Variants in MAP3K20 observed in about 807,000 individuals in gnomAD.
MAP3K20 encodes the protein mitogen-activated protein kinase kinase kinase 20.
MAP3K20 carries 40 observed loss-of-function variants against 85.7 expected under a neutral mutation model. The observed-to-expected ratio is 0.47, with a 90% CI of 0.36 to 0.61. The LOEUF is 0.61. Among genes scored for constraint, MAP3K20 ranks in the 20% least tolerant of loss-of-function variants. The pLI, the probability that MAP3K20 is intolerant of heterozygous loss-of-function variation, is 0.00. For synonymous variants in MAP3K20, 325 were observed against 327.7 expected (o/e 0.99, Z 0.09); for missense variants, 817 against 961.7 (o/e 0.85, Z 1.99).
rs2289395 is a variant in MAP3K20 at position 173,217,372 on chromosome 2, C to G, written c.987+122C>G. 0.049 allele frequency: 61,207 copies of G among 1,255,288 alleles called. 6,541 individuals carry two copies. In the East Asian group the frequency reaches 0.55, roughly 11 times the overall value. 77.8% of individuals were successfully genotyped at this position (1,255,288 alleles called of 1,614,324 possible). A position where few individuals can be genotyped will look rare whatever the true frequency, so the allele number is the denominator to read the frequency against. ...CCCCTCCTCATTTCCTGCCTCGCGC[C>G]CGTGTATTAAAGGGCCCGCGTGTGG... On this transcript the variant is annotated intron_variant, in intron 11 of 19. Transcript: ENST00000375213.
At chr2:173,128,981 T>C (rs1165787231) in intron 2 of MAP3K20, among the ~76,000 whole-genome samples, 2 of 140,342 alleles carry the variant, frequency 1.4e-5, no homozygotes, top group South Asian at 2.2e-4. Context: ...TAGAGTGCAA[T>C]GGCGCAATCT....
intron 8 of MAP3K20, 40 bp from the exon 9 acceptor site, chr2:173,203,756 C>A: frequency 6.8e-7 from 1 of 1,468,122 alleles, no homozygotes; most frequent in Non-Finnish European, 9.5e-7. Flanking sequence ...ATGAATAAAT[C>A]CCTGTTTTAT....
chr2:173,091,263 G>T, intron 2 of MAP3K20, 73 bp downstream of exon 2: 1 of 1,514,472 alleles, frequency 6.6e-7, no homozygotes, highest in Non-Finnish European at 9.0e-7. Context: ...CGAGTTAGAG[G>T]GTCACAGGGC....
chr2:173,193,947 G>A (rs1690741952), intron 7 of MAP3K20, among the ~76,000 whole-genome samples: 2 of 152,312 alleles, frequency 1.3e-5, no homozygotes, highest in East Asian at 1.9e-4. Context: ...ACCAGCCACT[G>A]AGCATTTCCA....
At chr2:173,246,381 G>T (rs1054912672) in intron 16 of MAP3K20, among the ~76,000 whole-genome samples, 2 of 152,132 alleles carry the variant, frequency 1.3e-5, no homozygotes, top group African/African-American at 4.8e-5. Flanking sequence ...TACAATCTAA[G>T]GCCTTTGACT....
intron 3 of MAP3K20, among the ~76,000 whole-genome samples, chr2:173,181,191 G>A (rs1443744725): frequency 6.6e-6 from 1 of 152,120 alleles, no homozygotes; most frequent in Non-Finnish European, 1.5e-5. Flanking sequence ...TACCACTAGT[G>A]TTATACCCGC....
chr2:173,157,661 G>C (rs1276197989), intron 2 of MAP3K20, among the ~76,000 whole-genome samples: 1 of 152,190 alleles, frequency 6.6e-6, no homozygotes, highest in African/African-American at 2.4e-5. Context: ...TGTGAGAGTT[G>C]CTCAAAATTT....
intron 14 of MAP3K20, 32 bp from the exon 15 acceptor site, chr2:173,238,341 T>A: frequency 3.2e-6 from 5 of 1,558,160 alleles, no homozygotes; most frequent in Non-Finnish European, 4.4e-6. Context: ...TATTACTGGA[T>A]CATTAATAAA....
At chr2:173,138,051 T>G (rs912218032) in intron 2 of MAP3K20, among the ~76,000 whole-genome samples, 3 of 152,146 alleles carry the variant, frequency 2.0e-5, no homozygotes, top group African/African-American at 7.2e-5. Context: ...CACTGCAACC[T>G]CCGCCTCACA....
chr2:173,235,848 G>A (rs1003747796), intron 14 of MAP3K20, among the ~76,000 whole-genome samples: 1 of 152,204 alleles, frequency 6.6e-6, no homozygotes, highest in Non-Finnish European at 1.5e-5. Flanking sequence ...TGGCAGAAAG[G>A]ATGTGTGTGG....
intron 11 of MAP3K20, chr2:173,222,539 G>A: frequency 2.0e-6 from 2 of 985,726 alleles, no homozygotes; most frequent in Non-Finnish European, 2.4e-6. Flanking sequence ...TTCCAGGGGG[G>A]TGAGTTCATG....
In MAP3K20 at chr2:173,144,479, AAAAAAAG is replaced by A. The variant is rs1274682273; in HGVS notation, c.160-25321_160-25315del. 2.1e-5 allele frequency among the ~76,000 whole-genome samples: 3 copies of A among 143,920 alleles called. No individual in the cohort carries two copies. In the East Asian group the frequency reaches 6.1e-4, roughly 29 times the overall value. 94.4% of individuals were successfully genotyped at this position (143,920 alleles called of 152,430 possible). A position where few individuals can be genotyped will look rare whatever the true frequency, so the allele number is the denominator to read the frequency against. Reference sequence around the variant, plus strand: ...CTCCGTCTCAAAAAAAAAAAAAAAAAAAAAAAGAAAAGAAAGAAAGAAGAGAAGAGAA... The same window carrying A: ...CTCCGTCTCAAAAAAAAAAAAAAAAAAAAAGAAAGAAAGAAGAGAAGAGAA... On this transcript the variant is annotated intron_variant, in intron 2 of 19. Transcript: ENST00000375213.
intron 4 of MAP3K20, among the ~76,000 whole-genome samples, chr2:173,186,542 ATT>A (rs2106269610): frequency 4.5e-5 from 1 of 22,276 alleles, no homozygotes; most frequent in Non-Finnish European, 3.0e-4. Context: ...ATATATCATA[ATT>A]AAAATAGAAG....
chr2:173,149,316 C>T (rs1689228583), intron 2 of MAP3K20, among the ~76,000 whole-genome samples: 1 of 152,086 alleles, frequency 6.6e-6, no homozygotes, highest in Non-Finnish European at 1.5e-5. Context: ...TGCAGTGTGG[C>T]ACCTTGGGTT....
At chr2:173,209,121 G>A (rs2106302042) in intron 9 of MAP3K20, among the ~76,000 whole-genome samples, 1 of 152,214 alleles carries the variant, frequency 6.6e-6, no homozygotes, top group South Asian at 2.1e-4. Context: ...ACATGGCCAC[G>A]TTTGTTATAT....
intron 16 of MAP3K20, among the ~76,000 whole-genome samples, chr2:173,246,074 A>G (rs1276953085): frequency 6.6e-6 from 1 of 152,152 alleles, no homozygotes; most frequent in Non-Finnish European, 1.5e-5. Context: ...TCTGGTGAGC[A>G]CTTTGCAAAG....
intron 3 of MAP3K20, among the ~76,000 whole-genome samples, chr2:173,173,131 G>A (rs1488912208): frequency 6.7e-6 from 1 of 149,852 alleles, no homozygotes; most frequent in Non-Finnish European, 1.5e-5. Flanking sequence ...TCTTCATTCT[G>A]TACTACTCCC....
intron 2 of MAP3K20, among the ~76,000 whole-genome samples, chr2:173,163,143 G>A (rs575380663): frequency 5.9e-5 from 9 of 152,268 alleles, no homozygotes; most frequent in Admixed American, 6.5e-5. Context: ...TAACTTTTAG[G>A]TTTAGGGGTA....
intron 11 of MAP3K20, 81 bp downstream of exon 11, chr2:173,217,331 CCCTGCCTCCCGCCGCCCCCTCCTCATTT>C (rs1262603244): frequency 1.7e-5 from 23 of 1,338,344 alleles, no homozygotes; most frequent in Non-Finnish European, 2.1e-5. Context: ...GCACCTCTTC[CCCTGCCTCCCGCCGCCCCCTCCTCATTT>C]CCTGCCTCGC....
Sources: gnomAD v4.1 joint callset for allele counts (sites outside exome capture counted in the v4.1 genomes callset) on GRCh38, gnomAD v4.1.1 for gene constraint, MANE v1.5 for transcripts, NCBI Gene and HGNC (gene_info 2026-07-23, HGNC 2026-07-21) for gene names.